RBFOX1: variants seen among roughly 807,000 people sequenced by gnomAD.
The protein encoded by RBFOX1 is RNA binding protein fox-1 homolog 1.
In RBFOX1, 8 loss-of-function variants were observed where a neutral mutation model predicts 57.7. The ratio of observed to expected loss-of-function variants is 0.14; its 90% CI spans 0.08 to 0.25. The LOEUF is 0.25. Among genes scored for constraint, RBFOX1 ranks in the 10% least tolerant of loss-of-function variants. The pLI, the probability that RBFOX1 is intolerant of heterozygous loss-of-function variation, is 1.00. For missense variants in RBFOX1, 611 were observed against 548.5 expected, an observed-to-expected ratio of 1.11 and a Z score of -1.14; for synonymous variants, 326 against 222.4, an observed-to-expected ratio of 1.47 and a Z score of -4.15.
chr16:7,054,974 G>A (rs2051615592), intron 4 of RBFOX1, among the ~76,000 whole-genome samples: 1 of 152,258 alleles, frequency 6.6e-6, no homozygotes, highest in East Asian at 1.9e-4. Context: ...AGGAATTGGC[G>A]TATCCAATAC....
At chr16:7,699,342 C>G (rs1026991843) in intron 14 of RBFOX1, among the ~76,000 whole-genome samples, 1 of 152,192 alleles carries the variant, frequency 6.6e-6, no homozygotes, top group Non-Finnish European at 1.5e-5. Flanking sequence ...CAGGCAGGTG[C>G]TACCACACCC....
At chr16:6,774,029 T>A in intron 3 of RBFOX1, 1 of 982,640 alleles carries the variant, frequency 1.0e-6, no homozygotes, top group Non-Finnish European at 1.2e-6. Flanking sequence ...CACAGTTTGC[T>A]TTTTCTACCT....
intron 3 of RBFOX1, among the ~76,000 whole-genome samples, chr16:6,861,472 C>T (rs1318999252): frequency 7.1e-6 from 1 of 140,888 alleles, no homozygotes; most frequent in South Asian, 2.3e-4. Context: ...AGGAATGATT[C>T]CCCTCCCAAC....
At chr16:5,962,851 A>G (rs1188734151) in intron 4 of RBFOX1, among the ~76,000 whole-genome samples, 1 of 148,882 alleles carries the variant, frequency 6.7e-6, no homozygotes, top group Non-Finnish European at 1.5e-5. Flanking sequence ...ATATAATGAT[A>G]ATGGTGAGTA....
chr16:7,671,147 C>G (rs2071305202), intron 13 of RBFOX1, among the ~76,000 whole-genome samples: 1 of 152,176 alleles, frequency 6.6e-6, no homozygotes, highest in East Asian at 1.9e-4. Context: ...GTTTTCTTAA[C>G]TACTTCAATA....
chr16:7,681,719 A>AT (rs540379324), intron 14 of RBFOX1, among the ~76,000 whole-genome samples: 64 of 150,114 alleles, frequency 4.3e-4, no homozygotes, highest in African/African-American at 5.9e-4. Flanking sequence ...TTATGTTTTC[A>AT]TTTTTTTTTT....
intron 3 of RBFOX1, among the ~76,000 whole-genome samples, chr16:5,726,563 C>A (rs1303186946): frequency 2.0e-5 from 3 of 152,200 alleles, no homozygotes; most frequent in African/African-American, 7.2e-5. Flanking sequence ...TGTCCATAGC[C>A]TGGAGTCCAG....
At chr16:7,700,784 C>T (rs1456988773) in intron 14 of RBFOX1, among the ~76,000 whole-genome samples, 1 of 152,120 alleles carries the variant, frequency 6.6e-6, no homozygotes, top group African/African-American at 2.4e-5. Flanking sequence ...TGCTATTCTG[C>T]TTTCCCTCAA....
chr16:6,072,260 G>GT (rs1292076680), intron 1 of RBFOX1, among the ~76,000 whole-genome samples: 5 of 152,094 alleles, frequency 3.3e-5, no homozygotes. Flanking sequence ...CTCCCACTGC[G>GT]TCCCTCCCAA....
At chr16:5,494,809 C>G (rs764961464) in intron 2 of RBFOX1, among the ~76,000 whole-genome samples, 4 of 152,126 alleles carry the variant, frequency 2.6e-5, no homozygotes, top group African/African-American at 7.2e-5. Flanking sequence ...CTAAGGGACC[C>G]TCAGAGATGA....
At chr16:5,434,917 T>G (rs1314800900) in intron 1 of RBFOX1, among the ~76,000 whole-genome samples, 2 of 145,770 alleles carry the variant, frequency 1.4e-5, no homozygotes, top group Admixed American at 6.7e-5. Context: ...AAAAAAAAAA[T>G]TTAAGGCTGT....
At chr16:7,378,735 C>A (rs117531720) in intron 4 of RBFOX1, among the ~76,000 whole-genome samples, 1 of 152,164 alleles carries the variant, frequency 6.6e-6, no homozygotes, top group African/African-American at 2.4e-5. Context: ...GAGCTTTCTG[C>A]TGCTTTTCTC....
chr16:6,060,135 T>TTTTTTTTTTTTTTTTG (rs2095666123), intron 1 of RBFOX1, among the ~76,000 whole-genome samples: 1 of 21,998 alleles, frequency 4.5e-5, no homozygotes, highest in South Asian at 1.3e-3. Flanking sequence ...TTTTTTTTTT[T>TTTTTTTTTTTTTTTTG]TTTTTTTTTT....
intron 3 of RBFOX1, among the ~76,000 whole-genome samples, chr16:6,909,597 A>G (rs1031259137): frequency 1.3e-5 from 2 of 152,242 alleles, no homozygotes; most frequent in African/African-American, 2.4e-5. Context: ...AGCGAGGGAC[A>G]TGTAATCTCC....
At chr16:6,903,253 C>T (rs1263628553) in intron 3 of RBFOX1, among the ~76,000 whole-genome samples, 1 of 152,190 alleles carries the variant, frequency 6.6e-6, no homozygotes, top group East Asian at 1.9e-4. Context: ...GCCATTGTAG[C>T]TGCCGCCAGG....
At chr16:6,022,707 C>G (rs1352863445) in intron 1 of RBFOX1, among the ~76,000 whole-genome samples, 3 of 152,016 alleles carry the variant, frequency 2.0e-5, no homozygotes, top group Non-Finnish European at 4.4e-5. Flanking sequence ...AACAAACAAA[C>G]AAACAAAAAA....
At chr16:6,911,474 C>T (rs111358639) in intron 3 of RBFOX1, among the ~76,000 whole-genome samples, 2,004 of 152,204 alleles carry the variant, frequency 0.013, 47 homozygotes, top group African/African-American at 0.046. Context: ...GTGATCTCTG[C>T]CTTCACCTGC....
rs578139787 is a variant in RBFOX1 at position 7,315,460 on chromosome 16, C to A, written c.28-202687C>A. 1.3e-4 allele frequency among the ~76,000 whole-genome samples: 20 copies of A among 151,282 alleles called. 1 individual carries two copies. Among genetic ancestry groups the A allele is most frequent in the Non-Finnish European group, 2.2e-4 (15 of 67,706 alleles). Reference sequence around the variant, plus strand: ...ATTAAAGCCCTACTCTACCCTACCCCCCCCCCCATACTGGGGGCTTGAATT... The same window carrying A: ...ATTAAAGCCCTACTCTACCCTACCCACCCCCCCATACTGGGGGCTTGAATT... On this transcript the variant is annotated intron_variant, in intron 4 of 15. Transcript: ENST00000550418.
chr16:6,992,234 G>A (rs1175675381), intron 3 of RBFOX1, among the ~76,000 whole-genome samples: 1 of 151,674 alleles, frequency 6.6e-6, no homozygotes. Flanking sequence ...TGCAATCTCG[G>A]CTTACTGCAG....
Sources: allele counts gnomAD v4.1 joint callset (sites outside exome capture counted in the v4.1 genomes callset), GRCh38; gene constraint gnomAD v4.1.1; transcripts MANE v1.5; gene names NCBI Gene and HGNC (gene_info 2026-07-23, HGNC 2026-07-21).